SCFD2: variants seen among roughly 807,000 people sequenced by gnomAD.
The protein encoded by SCFD2 is sec1 family domain-containing protein 2.
SCFD2 carries 54 observed loss-of-function variants against 58.9 expected under a neutral mutation model. That is an observed-to-expected ratio of 0.92 (90% CI 0.74 to 1.15). The LOEUF is 1.15. SCFD2 is among the 50% of genes most tolerant of loss of function. The pLI is 0.00. For synonymous variants in SCFD2, 321 were observed against 335.9 expected (o/e 0.96, Z 0.49); for missense variants, 805 against 836.6 (o/e 0.96, Z 0.47).
At position 53,301,066 on chromosome 4, in the gene SCFD2, A is replaced by C. The variant is rs1464941043; in HGVS notation, c.1135+12570T>G. On this transcript the variant is annotated intron_variant, in intron 3 of 8. Transcript: ENST00000401642. ...TAGAGAAGCAAGAGCAAACACATTCAAAAGCTAGCAGAAGGCAAGAAATAA... is the reference window on the plus strand; with the variant it reads ...TAGAGAAGCAAGAGCAAACACATTCCAAAGCTAGCAGAAGGCAAGAAATAA... 7.2e-5 allele frequency among the ~76,000 whole-genome samples: 11 copies of C among 152,318 alleles called. No homozygotes were observed. In the East Asian group the frequency reaches 9.6e-4, roughly 13 times the overall value.
intron 4 of SCFD2, among the ~76,000 whole-genome samples, chr4:53,170,098 T>C (rs1266145081): frequency 6.6e-6 from 1 of 152,198 alleles, no homozygotes. Context: ...AGAAACTCAT[T>C]GCCCAGACAA....
chr4:53,237,716 G>A (rs1310716428), intron 4 of SCFD2, among the ~76,000 whole-genome samples: 5 of 128,106 alleles, frequency 3.9e-5, no homozygotes, highest in Admixed American at 2.2e-4. Context: ...CAGTAGGGGC[G>A]GCCAGGCAGA....
intron 5 of SCFD2, among the ~76,000 whole-genome samples, chr4:53,070,880 C>T (rs1480926865): frequency 6.6e-6 from 1 of 152,068 alleles, no homozygotes; most frequent in Non-Finnish European, 1.5e-5. Context: ...ATTTTATAGA[C>T]ATAGAACACT....
At chr4:53,059,745 A>C (rs1723450577) in intron 5 of SCFD2, among the ~76,000 whole-genome samples, 1 of 152,048 alleles carries the variant, frequency 6.6e-6, no homozygotes, top group African/African-American at 2.4e-5. Context: ...CAGGAGGTTG[A>C]CTGAGATGGA....
chr4:53,211,662 T>C (rs948482642), intron 4 of SCFD2, among the ~76,000 whole-genome samples: 1 of 152,086 alleles, frequency 6.6e-6, no homozygotes, highest in Non-Finnish European at 1.5e-5. Flanking sequence ...TCAGCTGGTG[T>C]CCGCTGCTTT....
chr4:53,011,121 T>A (rs572257732), intron 5 of SCFD2, among the ~76,000 whole-genome samples: 1 of 152,230 alleles, frequency 6.6e-6, no homozygotes, highest in Non-Finnish European at 1.5e-5. Flanking sequence ...CAGAATATTA[T>A]GTTTGCCAAC....
intron 2 of SCFD2, among the ~76,000 whole-genome samples, chr4:53,332,963 C>A (rs960075852): frequency 2.6e-5 from 4 of 151,278 alleles, no homozygotes; most frequent in African/African-American, 9.7e-5. Flanking sequence ...AACAGACAAA[C>A]AGAGAGCCAA....
intron 5 of SCFD2, among the ~76,000 whole-genome samples, chr4:52,944,281 A>G (rs1385528829): frequency 1.3e-5 from 2 of 152,206 alleles, no homozygotes; most frequent in African/African-American, 4.8e-5. Context: ...TCCATACTGC[A>G]GAAATGTTAT....
At chr4:53,155,383 C>CT (rs1726647158) in intron 4 of SCFD2, among the ~76,000 whole-genome samples, 1 of 152,148 alleles carries the variant, frequency 6.6e-6, no homozygotes, top group African/African-American at 2.4e-5. Context: ...ACCTTTCCAC[C>CT]TTTCTGTAAG....
chr4:53,199,822 G>C (rs530486548), intron 4 of SCFD2, among the ~76,000 whole-genome samples: 1 of 151,686 alleles, frequency 6.6e-6, no homozygotes, highest in South Asian at 2.1e-4. Flanking sequence ...TTAGAAGCTG[G>C]AAGTTTGACA....
intron 4 of SCFD2, among the ~76,000 whole-genome samples, chr4:53,260,745 A>G (rs1306180395): frequency 6.6e-6 from 1 of 151,900 alleles, no homozygotes; most frequent in East Asian, 1.9e-4. Flanking sequence ...GGCTTTATAG[A>G]ATGATTTAGG....
intron 5 of SCFD2, among the ~76,000 whole-genome samples, chr4:53,106,015 GC>G (rs1295653468): frequency 1.3e-5 from 2 of 152,110 alleles, no homozygotes; most frequent in Non-Finnish European, 2.9e-5. Flanking sequence ...AGTAATCTTT[GC>G]TGTTCTGCAG....
Position 53,178,733 on chromosome 4 carries a change from A to T in SCFD2, c.1312-33151T>A, listed in dbSNP as rs185413601. Among the ~76,000 whole-genome samples the T allele has an allele frequency of 9.1e-4, 138 of 152,324 alleles. 1 individual carries two copies. The highest frequency in any genetic ancestry group is 2.8e-3 in the African/African-American group (117 of 41,576). On this transcript the variant is annotated intron_variant, in intron 4 of 8. Transcript: ENST00000401642. ...AGGAGGAAATTCAAACCAATGGCAA[A>T]GAAGTTAAAAACTTTGAAAAAAAAT... is the stretch of plus-strand genomic sequence containing the variant.
chr4:53,059,641 G>A (rs1310659702), intron 5 of SCFD2, among the ~76,000 whole-genome samples: 1 of 151,392 alleles, frequency 6.6e-6, no homozygotes, highest in African/African-American at 2.4e-5. Context: ...CTGTGGCTAG[G>A]AAGAGGTAAT....
Position 53,084,280 on chromosome 4 carries a change from C to A in SCFD2, c.1561+61053G>T, listed in dbSNP as rs922790588. 6.6e-5 allele frequency among the ~76,000 whole-genome samples: 10 copies of A among 152,072 alleles called. No homozygotes were observed. In the East Asian group the frequency reaches 1.5e-3, roughly 23 times the overall value. On this transcript the variant is annotated intron_variant, in intron 5 of 8. Coordinates refer to ENST00000401642, the MANE Select transcript of SCFD2 (RefSeq NM_152540.4). ...ATTCCTTGCTAGGAAAAGAATTTAG[C>A]GATATCTTTCCTACTCGCATGTCTG...
intron 5 of SCFD2, among the ~76,000 whole-genome samples, chr4:53,045,586 C>T (rs1279167320): frequency 6.6e-6 from 1 of 151,968 alleles, no homozygotes; most frequent in Non-Finnish European, 1.5e-5. Flanking sequence ...TTTTTAATTT[C>T]TCTCAAAATT....
At chr4:52,957,358 T>C (rs1262922428) in intron 5 of SCFD2, 5 of 152,142 alleles carry the variant, frequency 3.3e-5, no homozygotes, top group African/African-American at 9.7e-5. Context: ...ACTGTCACCA[T>C]CTGCCACTCT....
intron 2 of SCFD2, among the ~76,000 whole-genome samples, chr4:53,331,600 T>C (rs1733472640): frequency 6.6e-6 from 1 of 151,868 alleles, no homozygotes; most frequent in Non-Finnish European, 1.5e-5. Flanking sequence ...CAAAGCAGTG[T>C]GTAGAGGGAA....
intron 5 of SCFD2, among the ~76,000 whole-genome samples, chr4:53,005,821 T>C (rs1421803374): frequency 1.3e-5 from 2 of 152,198 alleles, no homozygotes; most frequent in Non-Finnish European, 2.9e-5. Flanking sequence ...ACCTTCTACC[T>C]TGAGTGTGCA....
Sources: allele counts gnomAD v4.1 joint callset (sites outside exome capture counted in the v4.1 genomes callset), GRCh38; gene constraint gnomAD v4.1.1; transcripts MANE v1.5; gene names NCBI Gene and HGNC (gene_info 2026-07-23, HGNC 2026-07-21).